Variants in MID1 observed in about 807,000 individuals in gnomAD.
MID1 encodes midline 1.
Under a neutral mutation model 40.4 loss-of-function variants are expected in MID1, and 7 were observed. The ratio of observed to expected loss-of-function variants is 0.17; its 90% CI spans 0.10 to 0.33. The LOEUF is 0.33. MID1 is among the 10% of genes least tolerant of loss of function. The pLI is 1.00. For missense variants in MID1, 367 were observed against 558.5 expected (o/e 0.66, Z 3.46); for synonymous variants, 229 against 221.2 (o/e 1.04, Z -0.31).
intron 1 of MID1, among the ~76,000 whole-genome samples, chrX:10,728,355 C>T (rs1021760741): frequency 9.0e-6 from 1 of 111,663 alleles, no homozygotes; most frequent in African/African-American, 3.3e-5. Context: ...CCTCCTTCCA[C>T]ATCACACTTC....
chrX:10,791,583 A>G (rs911580445), intron 1 of MID1, among the ~76,000 whole-genome samples: 4 of 111,874 alleles, frequency 3.6e-5, no homozygotes, highest in African/African-American at 9.8e-5. Context: ...AGAAGAGACA[A>G]TAACAAAAAT....
intron 1 of MID1, among the ~76,000 whole-genome samples, chrX:10,572,017 A>C (rs1005313514): frequency 1.8e-5 from 2 of 109,403 alleles, no homozygotes; most frequent in African/African-American, 6.7e-5. Flanking sequence ...TAAAGTATGA[A>C]GTGGGTTTTA....
At chrX:10,530,185 T>C (rs951532488) in intron 2 of MID1, among the ~76,000 whole-genome samples, 15 of 112,165 alleles carry the variant, frequency 1.3e-4, no homozygotes, top group Non-Finnish European at 2.3e-4. Context: ...AGAGATGCTA[T>C]AGCAATTATC....
At chrX:10,472,434 T>C (rs1344949459) in intron 6 of MID1, among the ~76,000 whole-genome samples, 2 of 112,639 alleles carry the variant, frequency 1.8e-5, no homozygotes, top group Non-Finnish European at 3.8e-5. Flanking sequence ...TGCATTCCTA[T>C]AGAGATTAAA....
intron 1 of MID1, among the ~76,000 whole-genome samples, chrX:10,735,041 T>G (rs2043477713): frequency 8.9e-6 from 1 of 112,176 alleles, no homozygotes; most frequent in African/African-American, 3.2e-5. Context: ...AAAACTGACT[T>G]CCCTTCGGTA....
chrX:10,588,308 T>C (rs1935185562), intron 1 of MID1, among the ~76,000 whole-genome samples: 1 of 111,949 alleles, frequency 8.9e-6, no homozygotes. Flanking sequence ...TTATACAACA[T>C]TTTTTGCATA....
At chrX:10,768,621 A>C (rs187327687) in intron 1 of MID1, among the ~76,000 whole-genome samples, 1 of 111,503 alleles carries the variant, frequency 9.0e-6, no homozygotes, top group African/African-American at 3.3e-5. Context: ...TTACCATTCA[A>C]CAGAATACAA....
At chrX:10,476,532 T>C (rs1434134310) in intron 5 of MID1, among the ~76,000 whole-genome samples, 1 of 111,754 alleles carries the variant, frequency 8.9e-6, no homozygotes, top group Non-Finnish European at 1.9e-5. Flanking sequence ...AATATACCTG[T>C]AAAATGCTCA....
chrX:10,815,063 G>A (rs1463530781), intron 1 of MID1, among the ~76,000 whole-genome samples: 2 of 111,867 alleles, frequency 1.8e-5, no homozygotes, highest in Non-Finnish European at 3.8e-5. Context: ...GCCCAAAAGT[G>A]CAATTTCTGG....
At chrX:10,507,306 A>G (rs144753738) in intron 3 of MID1, among the ~76,000 whole-genome samples, 6,834 of 111,250 alleles carry the variant, frequency 0.061, 437 homozygotes, top group African/African-American at 0.18. Context: ...GATCGGGGTC[A>G]GGGTTGTGGG....
intron 1 of MID1, among the ~76,000 whole-genome samples, chrX:10,651,579 A>G (rs1212586448): frequency 8.9e-6 from 1 of 112,244 alleles, no homozygotes; most frequent in African/African-American, 3.2e-5. Context: ...TATTCATCCA[A>G]TTAGTCAACT....
At chrX:10,578,586 C>A (rs755027748) in intron 1 of MID1, among the ~76,000 whole-genome samples, 2 of 112,691 alleles carry the variant, frequency 1.8e-5, no homozygotes, top group African/African-American at 6.4e-5. Flanking sequence ...AGAAATAAAG[C>A]ATTTAGTTTT....
chrX:10,787,458 A>G (rs1411435118), intron 1 of MID1, among the ~76,000 whole-genome samples: 1 of 91,147 alleles, frequency 1.1e-5, no homozygotes, highest in African/African-American at 4.1e-5. Context: ...GAAAATTAAA[A>G]CCACTCTCTT....
At chrX:10,668,574 T>C (rs2042965075) in intron 1 of MID1, among the ~76,000 whole-genome samples, 1 of 112,356 alleles carries the variant, frequency 8.9e-6, no homozygotes, top group African/African-American at 3.2e-5. Context: ...CAATAGATAT[T>C]ATCAAATAAA....
chrX:10,457,173 A>C (rs898916078), intron 8 of MID1, among the ~76,000 whole-genome samples: 1 of 112,038 alleles, frequency 8.9e-6, no homozygotes, highest in Non-Finnish European at 1.9e-5. Flanking sequence ...CATCATTTAC[A>C]ATGAAGGCCA....
intron 1 of MID1, among the ~76,000 whole-genome samples, chrX:10,704,720 A>ATATATATATATATG (rs1384734535): frequency 1.2e-5 from 1 of 82,471 alleles, no homozygotes; most frequent in African/African-American, 5.7e-5. Flanking sequence ...GTGTGTGTAT[A>ATATATATATATATG]TATATATATA....
At chrX:10,628,711 G>A (rs1032003339) in intron 1 of MID1, among the ~76,000 whole-genome samples, 1 of 111,544 alleles carries the variant, frequency 9.0e-6, no homozygotes, top group Non-Finnish European at 1.9e-5. Context: ...ACACTGAGAG[G>A]TCTAATGAGA....
intron 1 of MID1, among the ~76,000 whole-genome samples, chrX:10,728,347 T>A (rs1318173281): frequency 9.0e-6 from 1 of 111,440 alleles, no homozygotes; most frequent in Non-Finnish European, 1.9e-5. Flanking sequence ...CTCTTCCCCC[T>A]CCTTCCACAT....
chrX:10,528,290 A>G (rs1419451844), intron 2 of MID1, among the ~76,000 whole-genome samples: 1 of 111,370 alleles, frequency 9.0e-6, no homozygotes, highest in East Asian at 2.8e-4. Context: ...ATATTTGAAA[A>G]CTGATGAGAT....
Sources: allele counts gnomAD v4.1 joint callset (sites outside exome capture counted in the v4.1 genomes callset), GRCh38; gene constraint gnomAD v4.1.1; transcripts MANE v1.5; gene names NCBI Gene and HGNC (gene_info 2026-07-23, HGNC 2026-07-21).